KCNH5: variants seen among roughly 807,000 people sequenced by gnomAD.
KCNH5 encodes potassium voltage-gated channel subfamily H member 5, also known as voltage-gated delayed rectifier potassium channel KCNH5.
In KCNH5, 46 loss-of-function variants were observed where a neutral mutation model predicts 96.1. That is an observed-to-expected ratio of 0.48 (90% CI 0.38 to 0.61). The LOEUF (loss-of-function observed/expected upper bound fraction) is 0.61, where lower values mean the gene tolerates loss of function less well. KCNH5 is among the 20% of genes least tolerant of loss of function. The pLI is 0.00. For synonymous variants in KCNH5, 439 were observed against 449.8 expected (o/e 0.98, Z 0.30); for missense variants, 907 against 1,225.8 (o/e 0.74, Z 3.88).
chr14:62,978,684 A>G (rs974452300), intron 6 of KCNH5, among the ~76,000 whole-genome samples: 1 of 151,846 alleles, frequency 6.6e-6, no homozygotes, highest in African/African-American at 2.4e-5. Flanking sequence ...AATATATATT[A>G]CATAATTATA....
At chr14:62,929,472 T>C (rs1248798921) in intron 7 of KCNH5, among the ~76,000 whole-genome samples, 1 of 152,062 alleles carries the variant, frequency 6.6e-6, no homozygotes. Context: ...TCTAGAAGTC[T>C]CCATCCACAG....
chr14:62,800,946 A>C (rs956921759), intron 9 of KCNH5, among the ~76,000 whole-genome samples: 1 of 152,046 alleles, frequency 6.6e-6, no homozygotes, highest in African/African-American at 2.4e-5. Context: ...AAAAAAAAAA[A>C]CAGTTCCTAG....
intron 8 of KCNH5, among the ~76,000 whole-genome samples, chr14:62,829,522 C>G (rs914393147): frequency 1.3e-5 from 2 of 152,204 alleles, no homozygotes; most frequent in African/African-American, 4.8e-5. Flanking sequence ...GTCACCAACG[C>G]TTGGGGCTTG....
intron 7 of KCNH5, among the ~76,000 whole-genome samples, chr14:62,876,198 T>C (rs1004325989): frequency 6.6e-6 from 1 of 152,126 alleles, no homozygotes. Flanking sequence ...TAGATGTTGA[T>C]GGAAGTATCT....
intron 10 of KCNH5, among the ~76,000 whole-genome samples, chr14:62,714,119 C>T (rs1210581371): frequency 2.2e-5 from 1 of 46,486 alleles, no homozygotes; most frequent in Non-Finnish European, 5.4e-5. Flanking sequence ...CCTATCTCTA[C>T]AATAAAATTT....
chr14:62,776,073 C>T (rs953804214), intron 10 of KCNH5, among the ~76,000 whole-genome samples: 4 of 151,948 alleles, frequency 2.6e-5, no homozygotes, highest in African/African-American at 7.3e-5. Context: ...TCAAGACCAG[C>T]CTGACCAACA....
intron 7 of KCNH5, among the ~76,000 whole-genome samples, chr14:62,870,673 T>TA (rs1888236051): frequency 1.3e-5 from 2 of 152,100 alleles, no homozygotes; most frequent in Admixed American, 6.6e-5. Flanking sequence ...CACTGGAAAA[T>TA]ATAAGGCATA....
At chr14:62,836,306 C>T (rs1465893271) in intron 8 of KCNH5, among the ~76,000 whole-genome samples, 1 of 152,002 alleles carries the variant, frequency 6.6e-6, no homozygotes, top group Non-Finnish European at 1.5e-5. Context: ...TTAGAAAAGC[C>T]TAGTATTAAT....
chr14:62,866,097 G>A (rs532612364), intron 7 of KCNH5, among the ~76,000 whole-genome samples: 39 of 152,254 alleles, frequency 2.6e-4, no homozygotes, highest in African/African-American at 8.4e-4. Flanking sequence ...TACTTCCTAG[G>A]AACTGGGATT....
intron 8 of KCNH5, among the ~76,000 whole-genome samples, chr14:62,838,304 C>A (rs1377483201): frequency 6.6e-6 from 1 of 152,194 alleles, no homozygotes; most frequent in African/African-American, 2.4e-5. Flanking sequence ...CATATTCCAA[C>A]TGCACTACCT....
intron 10 of KCNH5, among the ~76,000 whole-genome samples, chr14:62,723,097 G>A (rs928945185): frequency 6.6e-6 from 1 of 152,020 alleles, no homozygotes; most frequent in African/African-American, 2.4e-5. Context: ...GACTCAGGGG[G>A]AACAATTACC....
intron 10 of KCNH5, among the ~76,000 whole-genome samples, chr14:62,757,606 T>G (rs12882073): frequency 0.45 from 68,158 of 149,866 alleles, 17,057 homozygotes; most frequent in South Asian, 0.77. Context: ...GTAGTACTAT[T>G]CAGCCAAAAA....
At chr14:62,902,972 C>A (rs1476640286) in intron 7 of KCNH5, among the ~76,000 whole-genome samples, 1 of 152,138 alleles carries the variant, frequency 6.6e-6, no homozygotes, top group South Asian at 2.1e-4. Flanking sequence ...CCCACCTCGG[C>A]CTCCCCAAGT....
intron 6 of KCNH5, among the ~76,000 whole-genome samples, chr14:62,968,313 C>G (rs961774408): frequency 6.6e-6 from 1 of 152,172 alleles, no homozygotes; most frequent in African/African-American, 2.4e-5. Flanking sequence ...GTGAGAAAGT[C>G]TTTCCCTCAA....
intron 6 of KCNH5, among the ~76,000 whole-genome samples, chr14:62,953,587 T>C (rs1002991354): frequency 1.2e-4 from 18 of 152,176 alleles, no homozygotes; most frequent in Admixed American, 6.5e-4. Flanking sequence ...ATGACATCAT[T>C]ATCCACCCAG....
chr14:62,982,589 T>G (rs1225038881), intron 5 of KCNH5, among the ~76,000 whole-genome samples: 4 of 152,206 alleles, frequency 2.6e-5, no homozygotes, highest in Admixed American at 6.5e-5. Flanking sequence ...ATAAAAATAC[T>G]TGTTAGCATG....
intron 10 of KCNH5, among the ~76,000 whole-genome samples, chr14:62,725,286 T>G (rs1884899272): frequency 6.6e-6 from 1 of 152,162 alleles, no homozygotes; most frequent in Admixed American, 6.5e-5. Flanking sequence ...TCAAAATAGA[T>G]CTCCCACTGT....
At chr14:62,990,357 C>CA (rs773699248) in intron 4 of KCNH5, among the ~76,000 whole-genome samples, 4 of 152,000 alleles carry the variant, frequency 2.6e-5, no homozygotes, top group South Asian at 2.1e-4. Context: ...GTTCCTAATA[C>CA]AAAAAAAGCT....
chr14:62,911,094 C>G (rs950628187), intron 7 of KCNH5, among the ~76,000 whole-genome samples: 10 of 152,022 alleles, frequency 6.6e-5, no homozygotes, highest in African/African-American at 2.4e-4. Flanking sequence ...TGATGTATCC[C>G]TAACACCTAG....
Sources: allele counts gnomAD v4.1 joint callset (sites outside exome capture counted in the v4.1 genomes callset), GRCh38; gene constraint gnomAD v4.1.1; transcripts MANE v1.5; gene names NCBI Gene and HGNC (gene_info 2026-07-23, HGNC 2026-07-21).